The following CSNK1G3 variants were observed in gnomAD, a reference collection of about 807,000 sequenced individuals.
CSNK1G3 encodes casein kinase 1 gamma 3, also known as casein kinase I isoform gamma-3.
A neutral mutation model predicts 64.3 loss-of-function variants in CSNK1G3; 23 were observed. The ratio of observed to expected loss-of-function variants is 0.36; its 90% CI spans 0.26 to 0.51. The LOEUF (loss-of-function observed/expected upper bound fraction) is 0.51, where lower values mean the gene tolerates loss of function less well. Among genes scored for constraint, CSNK1G3 ranks in the 20% least tolerant of loss-of-function variants. The pLI, the probability that CSNK1G3 is intolerant of heterozygous loss-of-function variation, is 0.96. For missense variants in CSNK1G3, 357 were observed against 510.5 expected, an observed-to-expected ratio of 0.70 and a Z score of 2.90; for synonymous variants, 158 against 162.2, an observed-to-expected ratio of 0.97 and a Z score of 0.20.
intron 3 of CSNK1G3, among the ~76,000 whole-genome samples, chr5:123,556,254 T>C (rs1784603887): frequency 1.3e-5 from 2 of 152,238 alleles, no homozygotes; most frequent in South Asian, 4.1e-4. Context: ...TATGATGTGT[T>C]GGTGTAAAAT....
intron 4 of CSNK1G3, among the ~76,000 whole-genome samples, chr5:123,561,107 C>G (rs1006498656): frequency 6.6e-6 from 1 of 152,086 alleles, no homozygotes; most frequent in Admixed American, 6.6e-5. Context: ...ATGTTTCTTT[C>G]CTTTATGTAG....
At chr5:123,565,297 C>T (rs1476475231) in intron 4 of CSNK1G3, among the ~76,000 whole-genome samples, 1 of 152,170 alleles carries the variant, frequency 6.6e-6, no homozygotes, top group African/African-American at 2.4e-5. Flanking sequence ...TTTGATATTA[C>T]TGACTTCCTG....
chr5:123,526,063 G>A (rs1267121915), intron 1 of CSNK1G3, among the ~76,000 whole-genome samples: 1 of 151,684 alleles, frequency 6.6e-6, no homozygotes, highest in East Asian at 1.9e-4. Flanking sequence ...TTAGAGATAG[G>A]GTCTCACTCT....
rs1022909211 is a variant in CSNK1G3 at position 123,542,307 on chromosome 5, C to G, written c.-247-3110C>G. On this transcript the variant is annotated intron_variant, in intron 1 of 12. Transcript: ENST00000345990. ...CAGTGTCGTTCCATTTACAACTCCC[C>G]CTCCTTGCCATTTATGTTGTCATAT... 9.9e-5 allele frequency among the ~76,000 whole-genome samples: 15 copies of G among 152,192 alleles called. 1 individual carries two copies. The highest frequency in any genetic ancestry group is 7.9e-4 in the Admixed American group (12 of 15,286).
At chr5:123,577,777 A>C (rs1389568624) in intron 6 of CSNK1G3, among the ~76,000 whole-genome samples, 1 of 151,872 alleles carries the variant, frequency 6.6e-6, no homozygotes, top group African/African-American at 2.4e-5. Flanking sequence ...TTGATTATAT[A>C]ATTTGTGAGT....
chr5:123,575,261 A>T (rs1035888061), intron 5 of CSNK1G3, among the ~76,000 whole-genome samples: 6 of 152,230 alleles, frequency 3.9e-5, no homozygotes, highest in Non-Finnish European at 7.3e-5. Context: ...AAAGAAAAAG[A>T]TACTGAATAG....
At chr5:123,536,361 TA>T (rs1341141476) in intron 1 of CSNK1G3, among the ~76,000 whole-genome samples, 5 of 151,036 alleles carry the variant, frequency 3.3e-5, no homozygotes, top group Non-Finnish European at 5.9e-5. Context: ...GCTATATATT[TA>T]AAATAACATG....
chr5:123,591,354 T>C (rs1376991894), exon 10 of CSNK1G3: 3 of 1,610,302 alleles, frequency 1.9e-6, no homozygotes, highest in Non-Finnish European at 1.7e-6. Context: ...AAGATCCTGC[T>C]CTGTCATCAA....
chr5:123,557,397 A>G (rs535220042), intron 3 of CSNK1G3, 98 bp from the exon 4 acceptor site: 1 of 760,960 alleles, frequency 1.3e-6, no homozygotes, highest in African/African-American at 1.8e-5. Flanking sequence ...AGACTATTAC[A>G]TAATATAGGC....
At chr5:123,516,223 T>TTAAGTC in intron 1 of CSNK1G3, among the ~76,000 whole-genome samples, 1 of 152,214 alleles carries the variant, frequency 6.6e-6, no homozygotes, top group Non-Finnish European at 1.5e-5. Context: ...AGTATGGTTC[T>TTAAGTC]GGTAATTTAA....
chr5:123,519,127 C>G (rs535981805), intron 1 of CSNK1G3, among the ~76,000 whole-genome samples: 5 of 152,026 alleles, frequency 3.3e-5, no homozygotes, highest in Non-Finnish European at 7.4e-5. Flanking sequence ...GATCTCGGTT[C>G]ATTGCAACCC....
At chr5:123,520,216 T>C (rs1224464414) in intron 1 of CSNK1G3, among the ~76,000 whole-genome samples, 1 of 152,158 alleles carries the variant, frequency 6.6e-6, no homozygotes, top group Non-Finnish European at 1.5e-5. Context: ...TAAGCATTTC[T>C]TTACCATCAA....
chr5:123,606,222 T>G (rs572707165), intron 12 of CSNK1G3, among the ~76,000 whole-genome samples: 1 of 152,258 alleles, frequency 6.6e-6, no homozygotes, highest in East Asian at 1.9e-4. Flanking sequence ...TTTATTGACA[T>G]AAGATTAAGA....
exon 3 of CSNK1G3, chr5:123,553,136 G>T: frequency 1.4e-6 from 2 of 1,402,676 alleles, no homozygotes; most frequent in Non-Finnish European, 1.9e-6. Context: ...TGAATATGTG[G>T]CAATTAAGTT....
In CSNK1G3 at chr5:123,596,379, A is replaced by G. The variant is rs139645053; in HGVS notation, c.1086+4965A>G. ...AATATATTCTATTTGCATAACACAA[A>G]CTATATTTTGTATGTATCTGTATAT... On this transcript the variant is annotated intron_variant, in intron 10 of 12. Transcript: ENST00000345990. Among the ~76,000 whole-genome samples, 746 of 152,140 alleles carry G rather than the reference A, an allele frequency of 4.9e-3. 5 individuals carry two copies. The highest frequency in any genetic ancestry group is 0.011 in the Admixed American group (162 of 15,280).
At chr5:123,537,821 A>G (rs1196287987) in intron 1 of CSNK1G3, among the ~76,000 whole-genome samples, 5 of 152,170 alleles carry the variant, frequency 3.3e-5, no homozygotes, top group Non-Finnish European at 7.4e-5. Flanking sequence ...AAGTTTCCTC[A>G]TGACATTTTA....
At chr5:123,573,929 A>C (rs1788622772) in intron 5 of CSNK1G3, among the ~76,000 whole-genome samples, 1 of 150,202 alleles carries the variant, frequency 6.7e-6, no homozygotes, top group African/African-American at 2.5e-5. Context: ...GGCTCACTGC[A>C]ACCTCTGCCT....
chr5:123,588,430 G>C, exon 8 of CSNK1G3: 1 of 1,608,034 alleles, frequency 6.2e-7, no homozygotes, highest in East Asian at 2.2e-5. Flanking sequence ...GTTTTAGGCT[G>C]ACACATTAAA....
chr5:123,516,563 C>A (rs1777197604), intron 1 of CSNK1G3, among the ~76,000 whole-genome samples: 1 of 152,186 alleles, frequency 6.6e-6, no homozygotes, highest in Admixed American at 6.5e-5. Flanking sequence ...GTTATACTCT[C>A]TCCTGCCACT....
Sources: allele counts gnomAD v4.1 joint callset (sites outside exome capture counted in the v4.1 genomes callset), GRCh38; gene constraint gnomAD v4.1.1; transcripts MANE v1.5; gene names NCBI Gene and HGNC (gene_info 2026-07-23, HGNC 2026-07-21).